The following MRM1 variants were observed in gnomAD, a reference collection of about 807,000 sequenced individuals.
MRM1 encodes rRNA methyltransferase 1, mitochondrial.
MRM1 carries 24 observed loss-of-function variants against 25.0 expected under a neutral mutation model. That is an observed-to-expected ratio of 0.96 (90% confidence interval 0.69 to 1.35). The LOEUF (loss-of-function observed/expected upper bound fraction) is 1.35, where lower values mean the gene tolerates loss of function less well. MRM1 is among the 40% of genes most tolerant of loss of function. The pLI is 0.00. For missense variants in MRM1, 431 were observed against 464.1 expected (o/e 0.93, Z 0.65); for synonymous variants, 188 against 199.2 (o/e 0.94, Z 0.47).
At chr17:36,607,560 C>G (rs2074940764) in intron 2 of MRM1, 110 bp from the exon 3 acceptor site, 3 of 1,326,414 alleles carry the variant, frequency 2.3e-6, no homozygotes, top group Non-Finnish European at 3.1e-6. Flanking sequence ...GCGGTTGAGG[C>G]TGCGGTGAGC....
chr17:36,622,015 C>A, the MRM1 span, among the ~76,000 whole-genome samples: 3 of 152,110 alleles, frequency 2.0e-5, no homozygotes, highest in African/African-American at 7.2e-5. Flanking sequence ...GGTGTGTTTG[C>A]GTGACTGCAG....
At chr17:36,627,809 G>A in the MRM1 span, among the ~76,000 whole-genome samples, 39 of 151,698 alleles carry the variant, frequency 2.6e-4, no homozygotes, top group Admixed American at 9.9e-4. Context: ...GAGTAGCTGG[G>A]ATTACAGGCA....
At chr17:36,631,720 G>A in the MRM1 span, among the ~76,000 whole-genome samples, 2 of 152,210 alleles carry the variant, frequency 1.3e-5, no homozygotes, top group Non-Finnish European at 2.9e-5. Flanking sequence ...CCCTGGGGCT[G>A]GAACTGAGGT....
At chr17:36,616,333 G>A in the MRM1 span, among the ~76,000 whole-genome samples, 1 of 152,210 alleles carries the variant, frequency 6.6e-6, no homozygotes, top group African/African-American at 2.4e-5. Flanking sequence ...AGTGTCAGAG[G>A]AGGCAAGTCA....
the MRM1 span, among the ~76,000 whole-genome samples, chr17:36,630,333 G>T: frequency 6.6e-6 from 1 of 152,204 alleles, no homozygotes; most frequent in Non-Finnish European, 1.5e-5. Flanking sequence ...ATCCTTGAGA[G>T]ACCCCGTCCT....
At chr17:36,609,695 G>T (rs954693976), downstream of MRM1, among the ~76,000 whole-genome samples, 2 of 152,178 alleles carry the variant, frequency 1.3e-5, no homozygotes, top group Admixed American at 6.5e-5. Context: ...TGTGACCTTG[G>T]GGGGGCGCTC....
chr17:36,616,894 C>T, the MRM1 span, among the ~76,000 whole-genome samples: 4 of 152,162 alleles, frequency 2.6e-5, no homozygotes, highest in African/African-American at 7.2e-5. Flanking sequence ...TGATTAAAAA[C>T]GTTTTTGTTG....
chr17:36,606,742 G>A (rs1487995252), intron 2 of MRM1, among the ~76,000 whole-genome samples: 1 of 151,626 alleles, frequency 6.6e-6, no homozygotes, highest in Non-Finnish European at 1.5e-5. Flanking sequence ...CAAATAGCTG[G>A]GACTACAGGC....
chr17:36,607,268 A>G (rs895348971), intron 2 of MRM1, among the ~76,000 whole-genome samples: 6 of 152,054 alleles, frequency 3.9e-5, no homozygotes, highest in Non-Finnish European at 8.8e-5. Context: ...CAGCCTCCCA[A>G]AGTGCTGGAA....
chr17:36,629,169 G>C, the MRM1 span, among the ~76,000 whole-genome samples: 1 of 152,300 alleles, frequency 6.6e-6, no homozygotes, highest in Admixed American at 6.5e-5. Context: ...AAGAGATTAG[G>C]CTCTTCGAAA....
chr17:36,602,931 C>A lies in MRM1; in HGVS notation c.636+285C>A, dbSNP rs970232545. On this transcript the variant is annotated intron_variant, in intron 2 of 4. Coordinates refer to ENST00000614766, the MANE Select transcript of MRM1 (RefSeq NM_024864.5). The surrounding 1 kb of genome is among the most constrained non-coding windows in gnomAD (Gnocchi z 4.1). ...CTCAGTGTCTATTTGCCTACTAGGT[C>A]GGGCTTCAGTAAATGCATTTTGTTC... The A allele has an allele frequency of 8.1e-6, 8 of 985,246 alleles. No homozygotes were observed. The South Asian group carries it at 3.8e-4, about 46-fold the overall frequency. The allele number at this position is 985,246 out of a possible 1,614,324, so 61.0% of individuals were successfully genotyped here.
chr17:36,607,978 G>A lies in MRM1; in HGVS notation c.849G>A (p.Leu283=), dbSNP rs147056338. Residue 283 remains leucine, a synonymous_variant, in exon 4 of 5, where the codon CTG becomes CTA. Transcript: ENST00000614766. ...TCACCATCCTGCCCCGGCGCCAGCTGCCTCCTGGACTTGAGTCCTTGAACG... is the reference window on the plus strand; with the variant it reads ...TCACCATCCTGCCCCGGCGCCAGCTACCTCCTGGACTTGAGTCCTTGAACG... ...LLLTILPRRQ[L]PPGLESLNVS... 35 of 1,614,050 alleles carry A rather than the reference G, an allele frequency of 2.2e-5. No homozygotes were observed. Among genetic ancestry groups the A allele is most frequent in the Middle Eastern group, 1.6e-4 (1 of 6,084 alleles).
At chr17:36,612,354 A>C (rs1385365363), downstream of MRM1, among the ~76,000 whole-genome samples, 1 of 152,196 alleles carries the variant, frequency 6.6e-6, no homozygotes, top group Non-Finnish European at 1.5e-5. Context: ...ATACACACAC[A>C]GGTGTGTGCT....
the MRM1 span, among the ~76,000 whole-genome samples, chr17:36,615,978 G>A: frequency 6.6e-6 from 1 of 150,596 alleles, no homozygotes; most frequent in Non-Finnish European, 1.5e-5. Context: ...GGGCGACAGA[G>A]TGAGACTGTC....
chr17:36,617,963 C>T, the MRM1 span, among the ~76,000 whole-genome samples: 1 of 152,234 alleles, frequency 6.6e-6, no homozygotes, highest in Non-Finnish European at 1.5e-5. Flanking sequence ...TGATCGATAG[C>T]AGCCGCTGGT....
the MRM1 span, among the ~76,000 whole-genome samples, chr17:36,633,232 T>C: frequency 2.0e-5 from 3 of 152,092 alleles, no homozygotes; most frequent in African/African-American, 7.2e-5. Context: ...CTTTGCCTCC[T>C]TAACCCCACT....
chr17:36,602,286 T>C lies in MRM1; in HGVS notation c.476T>C (p.Phe159Ser), dbSNP rs200505410. Residue 159 changes from phenylalanine (F) to serine (S), a missense_variant, in exon 1 of 5, where the codon TTT becomes TCT. By Grantham distance (155) the Phe-to-Ser change is radical (BLOSUM62 -2). Transcript: ENST00000614766. This position sits in a 1 kb window ranked among gnomAD's most constrained non-coding sequence, Gnocchi z 4.1. ...VLDGIQDPRN[F>S]GAVLRSAHFL... ...GATGGGATCCAGGATCCCCGGAATT[T>C]TGGGGCTGTGCTGCGTTCCGCACAC... 1.2e-6 allele frequency: 2 copies of C among 1,602,082 alleles called. No homozygotes were observed. Among genetic ancestry groups the C allele is most frequent in the East Asian group, 2.2e-5 (1 of 44,542 alleles).
the MRM1 span, among the ~76,000 whole-genome samples, chr17:36,628,243 C>T: frequency 3.9e-5 from 6 of 152,310 alleles, no homozygotes; most frequent in African/African-American, 1.2e-4. Context: ...TGGCCTTGGC[C>T]TCTCAAAGTG....
At chr17:36,621,141 G>T in the MRM1 span, among the ~76,000 whole-genome samples, 2 of 152,178 alleles carry the variant, frequency 1.3e-5, no homozygotes, top group Non-Finnish European at 2.9e-5. Flanking sequence ...TAACTGCACT[G>T]ATCAGAATTA....
Sources: allele counts gnomAD v4.1 joint callset (sites outside exome capture counted in the v4.1 genomes callset), GRCh38; gene constraint gnomAD v4.1.1; non-coding constraint Gnocchi (gnomAD v3.1); transcripts MANE v1.5; gene names NCBI Gene and HGNC (gene_info 2026-07-23, HGNC 2026-07-21).